Variants in DACH2 observed in about 807,000 individuals in gnomAD.
DACH2 encodes the protein dachshund homolog 2.
DACH2 carries 17 observed loss-of-function variants against 35.8 expected under a neutral mutation model. That is an observed-to-expected ratio of 0.48 (90% CI 0.33 to 0.71). The LOEUF is 0.71. DACH2 is among the 30% of genes least tolerant of loss of function. The pLI is 0.02. For synonymous variants in DACH2, 195 were observed against 177.3 expected, an observed-to-expected ratio of 1.10 and a Z score of -0.79; for missense variants, 469 against 472.7, an observed-to-expected ratio of 0.99 and a Z score of 0.07.
intron 4 of DACH2, among the ~76,000 whole-genome samples, chrX:86,656,659 C>A (rs997334172): frequency 2.3e-4 from 25 of 107,999 alleles, no homozygotes; most frequent in African/African-American, 7.1e-4. Flanking sequence ...TCAGATTAGA[C>A]CTGATCTGAC....
intron 2 of DACH2, among the ~76,000 whole-genome samples, chrX:86,483,471 TAAC>T (rs1394204229): frequency 9.0e-6 from 1 of 111,351 alleles, no homozygotes; most frequent in African/African-American, 3.3e-5. Context: ...AGGTGTCTTG[TAAC>T]AACTTATATC....
At chrX:86,515,829 G>T (rs1174208569) in intron 3 of DACH2, among the ~76,000 whole-genome samples, 1 of 112,634 alleles carries the variant, frequency 8.9e-6, no homozygotes, top group East Asian at 2.8e-4. Context: ...CAATTGCCTG[G>T]AGGGTTGATA....
At chrX:86,598,681 C>T (rs1277007485) in intron 3 of DACH2, among the ~76,000 whole-genome samples, 6 of 110,504 alleles carry the variant, frequency 5.4e-5, no homozygotes, top group South Asian at 3.8e-4. Flanking sequence ...TTTCTTTCCT[C>T]GTCACTGCTT....
chrX:86,400,717 G>A (rs1420334866), intron 2 of DACH2, among the ~76,000 whole-genome samples: 1 of 111,712 alleles, frequency 9.0e-6, no homozygotes, highest in East Asian at 2.9e-4. Flanking sequence ...CGCAAATGCT[G>A]CTGCCTGATC....
intron 1 of DACH2, among the ~76,000 whole-genome samples, chrX:86,315,520 AG>A (rs2034882918): frequency 9.0e-6 from 1 of 111,635 alleles, no homozygotes; most frequent in South Asian, 3.8e-4. Context: ...GGCCACAGAT[AG>A]TGATTCATCT....
chrX:86,638,030 A>G (rs929359587), intron 3 of DACH2, among the ~76,000 whole-genome samples: 3 of 102,095 alleles, frequency 2.9e-5, no homozygotes, highest in Non-Finnish European at 6.2e-5. Flanking sequence ...AGGTACACTA[A>G]CGAAAACAAT....
chrX:86,317,123 A>G (rs192082753), intron 1 of DACH2, among the ~76,000 whole-genome samples: 2 of 109,310 alleles, frequency 1.8e-5, no homozygotes, highest in Admixed American at 2.0e-4. Context: ...TCTCAAAAAA[A>G]AAAAAAAAAA....
chrX:86,458,421 T>C (rs1156345329), intron 2 of DACH2, among the ~76,000 whole-genome samples: 1 of 111,469 alleles, frequency 9.0e-6, no homozygotes, highest in Admixed American at 9.6e-5. Flanking sequence ...ATGTGATTAA[T>C]GAAGGGGATA....
intron 2 of DACH2, among the ~76,000 whole-genome samples, chrX:86,454,840 G>A (rs1412840786): frequency 8.9e-6 from 1 of 112,051 alleles, no homozygotes; most frequent in Admixed American, 9.5e-5. Flanking sequence ...GTCATTTGAA[G>A]GAGAAGAGGC....
chrX:86,739,264 A>G (rs2041628433), intron 6 of DACH2, among the ~76,000 whole-genome samples: 1 of 111,612 alleles, frequency 9.0e-6, no homozygotes, highest in African/African-American at 3.3e-5. Context: ...TATTTCTATA[A>G]ATTTTATCCA....
intron 1 of DACH2, among the ~76,000 whole-genome samples, chrX:86,227,266 C>T (rs1327938902): frequency 1.2e-5 from 1 of 84,899 alleles, no homozygotes; most frequent in African/African-American, 3.4e-5. Context: ...TTTTTACTAC[C>T]GATTAGGGAT....
At chrX:86,345,855 C>T (rs1226708204) in intron 1 of DACH2, among the ~76,000 whole-genome samples, 1 of 111,076 alleles carries the variant, frequency 9.0e-6, no homozygotes, top group African/African-American at 3.3e-5. Context: ...TTTCAAGATC[C>T]CTAAATAAAA....
At chrX:86,330,257 G>T (rs2035188310) in intron 1 of DACH2, among the ~76,000 whole-genome samples, 1 of 112,174 alleles carries the variant, frequency 8.9e-6, no homozygotes, top group Non-Finnish European at 1.9e-5. Context: ...TTTTGTATGA[G>T]AATGTGGATG....
chrX:86,619,943 C>T (rs914102658), intron 3 of DACH2, among the ~76,000 whole-genome samples: 4 of 111,936 alleles, frequency 3.6e-5, no homozygotes, highest in African/African-American at 1.3e-4. Flanking sequence ...CCAATTTTTC[C>T]TGGGAAAAAA....
chrX:86,155,258 A>AT (rs763378926), intron 1 of DACH2, among the ~76,000 whole-genome samples: 4 of 110,026 alleles, frequency 3.6e-5, no homozygotes, highest in East Asian at 2.8e-4. Flanking sequence ...AGGATTTAAT[A>AT]TTTTTTTTAG....
chrX:86,666,009 A>G (rs1199290623), intron 4 of DACH2, among the ~76,000 whole-genome samples: 1 of 111,193 alleles, frequency 9.0e-6, no homozygotes, highest in Non-Finnish European at 1.9e-5. Context: ...TTTTATTTTC[A>G]GAAAACTCAT....
intron 1 of DACH2, among the ~76,000 whole-genome samples, chrX:86,293,136 A>G (rs2034347482): frequency 1.0e-5 from 1 of 96,440 alleles, no homozygotes; most frequent in Non-Finnish European, 2.0e-5. Context: ...TATATTTAGG[A>G]TAGTTAGCTT....
chrX:86,557,320 T>C (rs1027747312), intron 3 of DACH2, among the ~76,000 whole-genome samples: 25 of 111,385 alleles, frequency 2.2e-4, no homozygotes, highest in African/African-American at 7.8e-4. Flanking sequence ...ACTCATAAAT[T>C]AACCATCACA....
At chrX:86,757,671 A>T (rs141204073) in intron 7 of DACH2, among the ~76,000 whole-genome samples, 2 of 111,459 alleles carry the variant, frequency 1.8e-5, no homozygotes, top group African/African-American at 6.5e-5. Context: ...ATGGCGTATG[A>T]GTTCTCACAA....
Sources: allele counts gnomAD v4.1 joint callset (sites outside exome capture counted in the v4.1 genomes callset), GRCh38; gene constraint gnomAD v4.1.1; transcripts MANE v1.5; gene names NCBI Gene and HGNC (gene_info 2026-07-23, HGNC 2026-07-21).